FGFR2: variants seen among roughly 807,000 people sequenced by gnomAD.
FGFR2 encodes the protein fibroblast growth factor receptor 2, also known as BEK fibroblast growth factor receptor.
In FGFR2, 19 loss-of-function variants were observed where a neutral mutation model predicts 95.9. The ratio of observed to expected loss-of-function variants is 0.20; its 90% CI spans 0.14 to 0.29. The LOEUF (loss-of-function observed/expected upper bound fraction) is 0.29, where lower values mean the gene tolerates loss of function less well. Ranked by LOEUF, FGFR2 falls within the 10% of genes least tolerant of loss-of-function variation. The pLI is 1.00. For synonymous variants in FGFR2, 392 were observed against 393.3 expected (o/e 1.00, Z 0.04); for missense variants, 707 against 1,056.9 (o/e 0.67, Z 4.59).
intron 2 of FGFR2, among the ~76,000 whole-genome samples, chr10:121,571,977 G>C (rs1858856864): frequency 6.6e-6 from 1 of 151,034 alleles, no homozygotes; most frequent in Non-Finnish European, 1.5e-5. Flanking sequence ...TGACTGTTTT[G>C]ATACTTTAAA....
intron 9 of FGFR2, 79 bp from the exon 10 acceptor site, chr10:121,504,020 A>C: frequency 6.4e-7 from 1 of 1,551,346 alleles, no homozygotes. Flanking sequence ...GCCCAGCCAG[A>C]GTATCGAATC....
chr10:121,580,640 G>T (rs1307124528), intron 2 of FGFR2, among the ~76,000 whole-genome samples: 1 of 152,114 alleles, frequency 6.6e-6, no homozygotes, highest in Non-Finnish European at 1.5e-5. Flanking sequence ...AGGCAGGTCG[G>T]AGCCACAGGG....
intron 2 of FGFR2, among the ~76,000 whole-genome samples, chr10:121,589,034 T>G (rs1053928727): frequency 6.6e-6 from 1 of 152,212 alleles, no homozygotes; most frequent in African/African-American, 2.4e-5. Context: ...ATCTGTGGAA[T>G]AGCCTAAAAA....
At chr10:121,581,719 TC>T (rs895688961) in intron 2 of FGFR2, among the ~76,000 whole-genome samples, 4 of 138,528 alleles carry the variant, frequency 2.9e-5, no homozygotes, top group African/African-American at 1.1e-4. Flanking sequence ...ACCACTGCAC[TC>T]CAGCCTGGGT....
At chr10:121,486,815 A>G (rs907913364) in intron 15 of FGFR2, among the ~76,000 whole-genome samples, 6 of 152,336 alleles carry the variant, frequency 3.9e-5, no homozygotes, top group African/African-American at 1.4e-4. Flanking sequence ...ATATCATAAT[A>G]GAAATATTCT....
At chr10:121,595,182 A>G (rs779986064) in intron 1 of FGFR2, among the ~76,000 whole-genome samples, 2 of 152,212 alleles carry the variant, frequency 1.3e-5, no homozygotes, top group Admixed American at 6.5e-5. Context: ...AAAAATCTCT[A>G]AACTCTACAT....
intron 3 of FGFR2, among the ~76,000 whole-genome samples, chr10:121,564,819 A>C (rs1195829967): frequency 6.6e-6 from 1 of 152,146 alleles, no homozygotes; most frequent in Non-Finnish European, 1.5e-5. Flanking sequence ...CAGGCTATAA[A>C]ATTGGATATA....
At chr10:121,519,833 C>CTGT (rs2134303019) in intron 7 of FGFR2, 146 bp downstream of exon 7, 1 of 709,222 alleles carries the variant, frequency 1.4e-6, no homozygotes, top group East Asian at 2.7e-5. Flanking sequence ...GTGTAATGAT[C>CTGT]TGTTAATTCC....
At chr10:121,562,243 G>C (rs898928410) in intron 4 of FGFR2, among the ~76,000 whole-genome samples, 19 of 148,776 alleles carry the variant, frequency 1.3e-4, no homozygotes, top group Admixed American at 4.0e-4. Flanking sequence ...GTCTGTAGCA[G>C]CTTTATTTGC....
chr10:121,564,189 G>A, intron 4 of FGFR2: 20 of 414,226 alleles, frequency 4.8e-5, no homozygotes, highest in South Asian at 4.7e-4. Context: ...GATGTTACAT[G>A]GTTCTACTAT....
At chr10:121,571,506 C>T (rs1858717812) in intron 2 of FGFR2, among the ~76,000 whole-genome samples, 1 of 150,692 alleles carries the variant, frequency 6.6e-6, no homozygotes, top group Non-Finnish European at 1.5e-5. Context: ...AGGGTTTTAC[C>T]ACGTTGCCCA....
chr10:121,498,497 T>C lies in FGFR2; in HGVS notation c.1670A>G (p.Asp557Gly). The C allele has an allele frequency of 6.3e-7, 1 of 1,578,134 alleles. No individual in the cohort carries two copies. The highest frequency in any genetic ancestry group is 8.7e-7 in the Non-Finnish European group (1 of 1,147,092). The change falls in exon 12 of 18, where the codon GAT (aspartate) becomes GGT (glycine). Residue 557 changes from aspartate to glycine, a missense_variant and splice_region_variant. Transcript: ENST00000358487. ...ATGCAGTTTTTCCTCCTACTCACCA[T>C]CCTGTGTGCAGGCTCCAAGAAGATT... Reference protein sequence around the residue: ...IINLLGACTQDGPLYVIVEYA... With the variant: ...IINLLGACTQGGPLYVIVEYA...
intron 6 of FGFR2, chr10:121,538,331 A>C: frequency 1.3e-6 from 1 of 782,276 alleles, no homozygotes; most frequent in Non-Finnish European, 2.4e-6. Flanking sequence ...AAAATGTCAG[A>C]CATTTCATAC....
chr10:121,544,720 G>A (rs934004114), intron 5 of FGFR2, among the ~76,000 whole-genome samples: 6 of 152,152 alleles, frequency 3.9e-5, no homozygotes, highest in African/African-American at 1.4e-4. Context: ...TGTTTGGAGA[G>A]ATGAAAAAGT....
intron 5 of FGFR2, among the ~76,000 whole-genome samples, chr10:121,541,365 C>T (rs1167323534): frequency 6.6e-6 from 1 of 152,170 alleles, no homozygotes; most frequent in Non-Finnish European, 1.5e-5. Context: ...AGGGGATATC[C>T]TACCATTGAT....
chr10:121,483,724 G>C lies in FGFR2; in HGVS notation c.2275C>G (p.Arg759Gly), dbSNP rs868056281. ...TCATTGGTTGTGAGAGTGAGAATTC[G>C]ATCCAAGTCTTCTACCAACTGCTTG... The part of the protein sequence containing the change: ...TFKQLVEDLD[R>G]ILTLTTNEEY... The change falls in exon 17 of 18, where the codon CGA (arginine) becomes GGA (glycine). Residue 759 changes from arginine to glycine, a missense_variant. Arg to Gly is a moderately radical substitution (Grantham distance 125). This residue lies in a region of FGFR2 where 104 missense variants were observed against 214.2 expected (regional missense o/e 0.49). Coordinates refer to ENST00000358487, the MANE Select transcript of FGFR2 (RefSeq NM_000141.5). 1 of 1,613,854 alleles carries C rather than the reference G, an allele frequency of 6.2e-7. No individual in the cohort carries two copies. The highest frequency in any genetic ancestry group is 8.5e-7 in the Non-Finnish European group (1 of 1,179,930).
chr10:121,566,605 G>A (rs547044376), intron 2 of FGFR2, among the ~76,000 whole-genome samples: 3 of 152,148 alleles, frequency 2.0e-5, no homozygotes, highest in South Asian at 4.2e-4. Flanking sequence ...AGGGTCCTCC[G>A]TGATGGGAGT....
intron 13 of FGFR2, among the ~76,000 whole-genome samples, chr10:121,495,457 G>T (rs767237792): frequency 9.2e-5 from 14 of 152,196 alleles, no homozygotes; most frequent in Admixed American, 5.9e-4. Flanking sequence ...GAACCCAGGA[G>T]GTCAAGGCTG....
chr10:121,577,376 A>C (rs758763253), intron 2 of FGFR2, among the ~76,000 whole-genome samples: 26 of 151,570 alleles, frequency 1.7e-4, no homozygotes, highest in Non-Finnish European at 3.5e-4. Flanking sequence ...TCCGGCTGAA[A>C]TCCTCACTCC....
Sources: allele counts gnomAD v4.1 joint callset (sites outside exome capture counted in the v4.1 genomes callset), GRCh38; gene constraint gnomAD v4.1.1; regional missense constraint gnomAD v4.1.1; transcripts MANE v1.5; gene names NCBI Gene and HGNC (gene_info 2026-07-23, HGNC 2026-07-21).